Variants in DOCK10 observed in about 807,000 individuals in gnomAD.
DOCK10 encodes dedicator of cytokinesis 10.
A neutral mutation model predicts 280.1 loss-of-function variants in DOCK10; 145 were observed. The observed-to-expected ratio is 0.52, with a 90% confidence interval of 0.45 to 0.59. The LOEUF (loss-of-function observed/expected upper bound fraction) is 0.59. Among genes scored for constraint, DOCK10 ranks in the 20% least tolerant of loss-of-function variants. DOCK10 has a pLI of 0.00. For synonymous variants in DOCK10, 915 were observed against 942.2 expected, an observed-to-expected ratio of 0.97 and a Z score of 0.53; for missense variants, 2,368 against 2,651.7, an observed-to-expected ratio of 0.89 and a Z score of 2.35.
intron 1 of DOCK10, among the ~76,000 whole-genome samples, chr2:225,016,797 T>C (rs753203038): frequency 5.3e-5 from 8 of 151,470 alleles, no homozygotes; most frequent in Non-Finnish European, 1.2e-4. Context: ...CCGCCTCCCG[T>C]GTTCAAGCGA....
intron 1 of DOCK10, among the ~76,000 whole-genome samples, chr2:224,995,887 A>C (rs1336500469): frequency 6.6e-6 from 1 of 152,218 alleles, no homozygotes; most frequent in Non-Finnish European, 1.5e-5. Context: ...ATGGATATCC[A>C]AACTCCAATT....
chr2:225,021,140 A>G (rs1295710369), intron 1 of DOCK10, among the ~76,000 whole-genome samples: 1 of 152,220 alleles, frequency 6.6e-6, no homozygotes, highest in Non-Finnish European at 1.5e-5. Flanking sequence ...ATCCAAAACC[A>G]CATTTCCATG....
intron 1 of DOCK10, among the ~76,000 whole-genome samples, chr2:224,990,198 G>A (rs529557336): frequency 7.2e-5 from 11 of 152,316 alleles, no homozygotes; most frequent in African/African-American, 2.6e-4. Context: ...TTCCTGCAGA[G>A]TGCACGGATA....
At chr2:224,924,003 T>C (rs571355211) in intron 2 of DOCK10, among the ~76,000 whole-genome samples, 3 of 152,334 alleles carry the variant, frequency 2.0e-5, no homozygotes, top group Non-Finnish European at 4.4e-5. Flanking sequence ...GCTTTGGGGG[T>C]AAAATATAAC....
intron 7 of DOCK10, 32 bp downstream of exon 7, chr2:224,885,639 A>AT: frequency 6.5e-7 from 1 of 1,531,672 alleles, no homozygotes; most frequent in Non-Finnish European, 8.7e-7. Flanking sequence ...AATAAAAAAA[A>AT]ATCCCAAGGA....
intron 1 of DOCK10, among the ~76,000 whole-genome samples, chr2:224,998,473 C>G (rs1441672769): frequency 6.6e-6 from 1 of 152,088 alleles, no homozygotes; most frequent in African/African-American, 2.4e-5. Flanking sequence ...GAAGGTTTCC[C>G]TTCTCTGGAA....
At chr2:224,967,142 A>C (rs376934176) in intron 1 of DOCK10, among the ~76,000 whole-genome samples, 25 of 148,298 alleles carry the variant, frequency 1.7e-4, no homozygotes, top group African/African-American at 4.0e-4. Flanking sequence ...TGCAGTGGCG[A>C]GATCTCGGCT....
chr2:224,835,704 T>C (rs190405860), intron 25 of DOCK10, among the ~76,000 whole-genome samples: 216 of 152,336 alleles, frequency 1.4e-3, no homozygotes, highest in African/African-American at 5.0e-3. Flanking sequence ...TAGAATCTAG[T>C]CTCTTACTTG....
intron 1 of DOCK10, among the ~76,000 whole-genome samples, chr2:225,005,502 A>T (rs2126290542): frequency 6.6e-6 from 1 of 152,378 alleles, no homozygotes; most frequent in South Asian, 2.1e-4. Flanking sequence ...TATATACTTA[A>T]CAAAATCCTT....
rs765707253 is a variant in DOCK10 at position 224,849,572 on chromosome 2, G to A, written c.2170C>T (p.Leu724Phe). 4 of 1,610,762 alleles carry A rather than the reference G, an allele frequency of 2.5e-6. No homozygotes were observed. The East Asian group carries it at 8.9e-5, about 36-fold the overall frequency. ...GCTGTGTAGGCGGCTGAGGTGAAGA[G>A]GGGCCCTCCAGGTTTTCCATAAATA... ...KCIYGKPGGPLFTSAAYTAVL... is the reference protein window; with the variant it reads ...KCIYGKPGGPFFTSAAYTAVL... Residue 724 changes from leucine (L) to phenylalanine (F), a missense_variant, in exon 19 of 56, where the codon CTC becomes TTC. Leu to Phe is a conservative substitution (Grantham distance 22). This residue lies in a region of DOCK10 where 1,209 missense variants were observed against 1,250.9 expected (regional missense o/e 0.97). Coordinates refer to ENST00000258390, the MANE Select transcript of DOCK10 (RefSeq NM_014689.3).
chr2:225,040,358 T>C (rs958733962), intron 1 of DOCK10, among the ~76,000 whole-genome samples: 3 of 152,112 alleles, frequency 2.0e-5, no homozygotes, highest in African/African-American at 4.8e-5. Context: ...AGTTTAGGAG[T>C]GTTGGCCAAG....
chr2:225,031,775 T>C (rs1437536976), intron 1 of DOCK10, among the ~76,000 whole-genome samples: 1 of 152,170 alleles, frequency 6.6e-6, no homozygotes, highest in East Asian at 1.9e-4. Context: ...CATGCTTTCT[T>C]AAAGCAGATG....
chr2:224,878,444 C>T (rs1698773053), intron 7 of DOCK10, among the ~76,000 whole-genome samples: 2 of 152,160 alleles, frequency 1.3e-5, no homozygotes, highest in East Asian at 3.8e-4. Flanking sequence ...AACTGTGCTC[C>T]TAATCCCACC....
chr2:224,807,967 C>CTAAA lies in DOCK10; in HGVS notation c.3525_3528dup (p.Ala1177PhefsTer10), dbSNP rs1559457207. 6.2e-7 allele frequency: 1 copy of CTAAA among 1,612,948 alleles called. No homozygotes were observed. The highest frequency in any genetic ancestry group is 1.7e-5 in the Admixed American group (1 of 59,828). On this transcript the variant is annotated frameshift_variant, in exon 32 of 56. Transcript: ENST00000258390. LOFTEE classifies it high-confidence loss of function. ...TTAGCCATTAGATTTTTTAGGACAG[C>CTAAA]TAAAGCTAAGTGTCTGACATCTTGG...
At chr2:224,997,680 C>G (rs1220911248) in intron 1 of DOCK10, among the ~76,000 whole-genome samples, 1 of 152,138 alleles carries the variant, frequency 6.6e-6, no homozygotes, top group African/African-American at 2.4e-5. Flanking sequence ...AGGAGTTAGA[C>G]AGCAGCCCAT....
intron 13 of DOCK10, 100 bp downstream of exon 13, chr2:224,864,453 T>A: frequency 8.5e-7 from 1 of 1,176,490 alleles, no homozygotes. Context: ...GAGGTTGCAG[T>A]GAGCTGCGAT....
At chr2:224,873,975 T>C (rs1487678798) in intron 11 of DOCK10, 21 bp downstream of exon 11, 2 of 1,606,984 alleles carry the variant, frequency 1.2e-6, no homozygotes, top group South Asian at 2.3e-5. Flanking sequence ...TGGTATAGGA[T>C]GTAACAGAGG....
rs776940924 is a variant in DOCK10, at chr2:224,789,182, C to T, written c.5312-12G>A. On this transcript the variant is annotated splice_polypyrimidine_tract_variant and intron_variant, in intron 47 of 55. Transcript: ENST00000258390. Reference sequence around the variant, plus strand: ...CATAGAGAACATGCCTTGGGAGGACCAAGCAGAATAAAACATTATTATTTG... The same window carrying T: ...CATAGAGAACATGCCTTGGGAGGACTAAGCAGAATAAAACATTATTATTTG... 3 of 1,563,608 alleles carry T rather than the reference C, an allele frequency of 1.9e-6. 1 individual carries two copies. In the Middle Eastern group the frequency reaches 5.0e-4, roughly 262 times the overall value.
At chr2:224,857,504 G>A (rs1007514675) in intron 14 of DOCK10, among the ~76,000 whole-genome samples, 3 of 152,146 alleles carry the variant, frequency 2.0e-5, no homozygotes, top group African/African-American at 4.8e-5. Flanking sequence ...AAGATAATAC[G>A]GAAGGCACCT....
Sources: gnomAD v4.1 joint callset for allele counts (sites outside exome capture counted in the v4.1 genomes callset) on GRCh38, gnomAD v4.1.1 for gene constraint, gnomAD v4.1.1 regional missense constraint, MANE v1.5 for transcripts, NCBI Gene and HGNC (gene_info 2026-07-23, HGNC 2026-07-21) for gene names.